LSAMP: variants seen among roughly 807,000 people sequenced by gnomAD.
LSAMP encodes limbic system-associated membrane protein.
Under a neutral mutation model 38.6 loss-of-function variants are expected in LSAMP, and 7 were observed. The ratio of observed to expected loss-of-function variants is 0.18; its 90% CI spans 0.10 to 0.34. LSAMP has a LOEUF of 0.34. Ranked by LOEUF, LSAMP falls within the 10% of genes least tolerant of loss-of-function variation. LSAMP has a pLI of 1.00. For synonymous variants in LSAMP, 154 were observed against 166.8 expected (o/e 0.92, Z 0.59); for missense variants, 313 against 420.0 (o/e 0.75, Z 2.23).
chr3:116,441,841 C>T (rs189695740), intron 1 of LSAMP, among the ~76,000 whole-genome samples: 9 of 152,286 alleles, frequency 5.9e-5, no homozygotes, highest in South Asian at 4.1e-4. Flanking sequence ...TAGGGAGGAC[C>T]GCCAAGGCTG....
chr3:116,399,645 T>C (rs1160601937), intron 1 of LSAMP, among the ~76,000 whole-genome samples: 1 of 152,194 alleles, frequency 6.6e-6, no homozygotes, highest in Non-Finnish European at 1.5e-5. Context: ...GTGATAAAAA[T>C]ACTGTGCATG....
At chr3:116,113,138 A>G (rs1307389498) in intron 1 of LSAMP, among the ~76,000 whole-genome samples, 1 of 152,156 alleles carries the variant, frequency 6.6e-6, no homozygotes, top group Non-Finnish European at 1.5e-5. Flanking sequence ...GTGTGGCTAC[A>G]GAGCACCTAC....
chr3:115,965,595 T>G (rs1460065002), intron 3 of LSAMP, among the ~76,000 whole-genome samples: 1 of 146,660 alleles, frequency 6.8e-6, no homozygotes, highest in Non-Finnish European at 1.5e-5. Context: ...CTAGAAGATT[T>G]TTGTATTTTA....
intron 3 of LSAMP, among the ~76,000 whole-genome samples, chr3:115,886,817 TC>T (rs1936465976): frequency 6.6e-6 from 1 of 151,964 alleles, no homozygotes; most frequent in African/African-American, 2.4e-5. Flanking sequence ...CAATGTGTTA[TC>T]TTTTTTTCTG....
intron 1 of LSAMP, among the ~76,000 whole-genome samples, chr3:116,097,509 A>G (rs770747972): frequency 4.6e-5 from 7 of 152,260 alleles, no homozygotes; most frequent in Non-Finnish European, 1.0e-4. Flanking sequence ...GACATAATTC[A>G]GATCAAATTA....
chr3:116,091,695 G>T lies in LSAMP; in HGVS notation c.156-5139C>A, dbSNP rs564042910. ...CTGGGCTAAAGCAGGAAGATAAAAA[G>T]ATGTATTTCAAAAACCTGTTAGTGT... On this transcript the variant is annotated intron_variant, in intron 1 of 6. Transcript: ENST00000490035. 3.8e-4 allele frequency among the ~76,000 whole-genome samples: 58 copies of T among 152,248 alleles called. No homozygotes were observed. In the South Asian group the frequency reaches 0.012, roughly 32 times the overall value.
intron 1 of LSAMP, among the ~76,000 whole-genome samples, chr3:116,432,507 G>T (rs2049294634): frequency 6.6e-6 from 1 of 151,366 alleles, no homozygotes; most frequent in Admixed American, 6.6e-5. Flanking sequence ...AAGAATGAAG[G>T]CATTAATGTA....
chr3:115,866,721 C>T (rs1192091498), intron 3 of LSAMP, among the ~76,000 whole-genome samples: 4 of 151,980 alleles, frequency 2.6e-5, no homozygotes, highest in Admixed American at 2.6e-4. Flanking sequence ...GACATGTGGC[C>T]AACCTGAGGT....
At chr3:116,266,685 T>G (rs80302572) in intron 1 of LSAMP, among the ~76,000 whole-genome samples, 5,362 of 152,110 alleles carry the variant, frequency 0.035, 316 homozygotes, top group African/African-American at 0.12. Context: ...CTGAAAAGAT[T>G]GGCATTTCAT....
chr3:115,838,970 C>T (rs766796397), intron 6 of LSAMP, among the ~76,000 whole-genome samples: 31 of 152,280 alleles, frequency 2.0e-4, no homozygotes, highest in African/African-American at 2.9e-4. Flanking sequence ...CAGAGGCTCA[C>T]GAGCTGCCTG....
At chr3:116,443,743 T>A (rs139075202) in intron 1 of LSAMP, among the ~76,000 whole-genome samples, 4 of 152,326 alleles carry the variant, frequency 2.6e-5, no homozygotes, top group African/African-American at 7.2e-5. Context: ...ATAGACAGAC[T>A]GACACTGGGT....
intron 3 of LSAMP, among the ~76,000 whole-genome samples, chr3:115,923,635 T>C (rs530510532): frequency 6.6e-6 from 1 of 152,356 alleles, no homozygotes; most frequent in African/African-American, 2.4e-5. Flanking sequence ...GGCTAATTAC[T>C]ATTATCACAA....
chr3:116,083,986 G>T (rs934022118), intron 2 of LSAMP, among the ~76,000 whole-genome samples: 1 of 152,104 alleles, frequency 6.6e-6, no homozygotes, highest in Admixed American at 6.6e-5. Context: ...TATCCCCCTT[G>T]TAAGTACAAG....
intron 1 of LSAMP, among the ~76,000 whole-genome samples, chr3:116,201,048 A>C (rs1367778276): frequency 2.0e-5 from 3 of 152,226 alleles, no homozygotes; most frequent in Non-Finnish European, 4.4e-5. Context: ...CGCTTAGCCA[A>C]CCCTGTGCAG....
At chr3:116,130,094 C>T (rs1709091619) in intron 1 of LSAMP, among the ~76,000 whole-genome samples, 1 of 152,124 alleles carries the variant, frequency 6.6e-6, no homozygotes, top group Non-Finnish European at 1.5e-5. Flanking sequence ...TTTAAAGAGA[C>T]AAATATTCTG....
chr3:116,269,113 C>A (rs2046935037), intron 1 of LSAMP, among the ~76,000 whole-genome samples: 1 of 152,060 alleles, frequency 6.6e-6, no homozygotes, highest in Admixed American at 6.6e-5. Flanking sequence ...TCCCCTCCCA[C>A]ACACCAAGCA....
intron 3 of LSAMP, among the ~76,000 whole-genome samples, chr3:115,856,574 G>A (rs558795938): frequency 2.0e-5 from 3 of 150,904 alleles, no homozygotes; most frequent in African/African-American, 4.9e-5. Context: ...AACTGAGATC[G>A]AGCCACTGCA....
chr3:116,019,488 C>T (rs775666761), intron 3 of LSAMP, 27 bp downstream of exon 3: 1 of 1,607,792 alleles, frequency 6.2e-7, no homozygotes, highest in African/African-American at 1.3e-5. Flanking sequence ...CAGCATGTGG[C>T]ATATTGGAAC....
At chr3:116,016,077 G>C (rs983613251) in intron 3 of LSAMP, among the ~76,000 whole-genome samples, 6 of 151,982 alleles carry the variant, frequency 3.9e-5, no homozygotes. Context: ...ACAGGGAGCA[G>C]AGTCTCTTCT....
Sources: allele counts gnomAD v4.1 joint callset (sites outside exome capture counted in the v4.1 genomes callset), GRCh38; gene constraint gnomAD v4.1.1; transcripts MANE v1.5; gene names NCBI Gene and HGNC (gene_info 2026-07-23, HGNC 2026-07-21).